Variants in ASIC5 observed in about 807,000 individuals in gnomAD.
ASIC5 encodes the protein acid sensing ion channel subunit family member 5.
A neutral mutation model predicts 51.2 loss-of-function variants in ASIC5; 52 were observed. The ratio of observed to expected loss-of-function variants is 1.02; its 90% CI spans 0.81 to 1.28. The LOEUF is 1.28. Among genes scored for constraint, ASIC5 ranks in the 50% most tolerant of loss-of-function variants. The pLI, the probability that ASIC5 is intolerant of heterozygous loss-of-function variation, is 0.00. For synonymous variants in ASIC5, 231 were observed against 200.7 expected (o/e 1.15, Z -1.28); for missense variants, 635 against 595.0 (o/e 1.07, Z -0.70).
At position 155,848,140 on chromosome 4, in the gene ASIC5, C is replaced by T. The variant is rs1011929170; in HGVS notation, c.711+4051G>A. 5.9e-5 allele frequency among the ~76,000 whole-genome samples: 9 copies of T among 152,004 alleles called. No individual in the cohort carries two copies. In the South Asian group the frequency reaches 1.7e-3, roughly 28 times the overall value. The stretch of plus-strand genomic sequence containing the variant: ...ATTTGGAAAATTAAGTCTCCTCTCT[C>T]AAAGAATGAAGTTTTTTTCTTTTTT... On this transcript the variant is annotated intron_variant, in intron 4 of 9. Coordinates refer to ENST00000537611, the MANE Select transcript of ASIC5 (RefSeq NM_017419.3).
chr4:155,831,643 T>C (rs1180111557), intron 9 of ASIC5, among the ~76,000 whole-genome samples, 181 bp downstream of exon 9: 1 of 151,982 alleles, frequency 6.6e-6, no homozygotes, highest in South Asian at 2.1e-4. Flanking sequence ...TGGTGGCGGG[T>C]GCCTGTAGTC....
In ASIC5 at chr4:155,831,882, A is replaced by G. The variant is rs200347161; in HGVS notation, c.1269T>C (p.Ser423=). 5.0e-6 allele frequency: 8 copies of G among 1,604,874 alleles called. No individual in the cohort carries two copies. The African/African-American group carries it at 9.4e-5, about 19-fold the overall frequency. Residue 423 remains serine (S), a synonymous_variant, in exon 9 of 10, where the codon AGT becomes AGC. Coordinates refer to ENST00000537611, the MANE Select transcript of ASIC5 (RefSeq NM_017419.3). The stretch of plus-strand genomic sequence containing the variant: ...GCTGGGTTATCTTATAGTTTAGGTC[A>G]CTATAGTTAATTTCAATTTTTACAA... ...ENLVKIEINY[S]DLNYKITQQQ...
At chr4:155,854,918 T>C (rs1421907311) in intron 2 of ASIC5, 1 of 152,186 alleles carries the variant, frequency 6.6e-6, no homozygotes, top group African/African-American at 2.4e-5. Context: ...ATTCACACCA[T>C]CAAGATTGGA....
intron 6 of ASIC5, among the ~76,000 whole-genome samples, chr4:155,839,348 TACACACACACACACACACACAC>T (rs60209135): frequency 6.8e-6 from 1 of 147,338 alleles, no homozygotes; most frequent in African/African-American, 2.5e-5. Flanking sequence ...TCTATCCATT[TACACACACACACACACACACAC>T]ACACACACAC....
intron 5 of ASIC5, among the ~76,000 whole-genome samples, chr4:155,843,059 G>A (rs1560744125): frequency 6.6e-6 from 1 of 152,102 alleles, no homozygotes; most frequent in Non-Finnish European, 1.5e-5. Flanking sequence ...AATCAGGTGG[G>A]AAAGGACAGC....
At chr4:155,834,900 C>T (rs745987103) in intron 8 of ASIC5, among the ~76,000 whole-genome samples, 2 of 152,012 alleles carry the variant, frequency 1.3e-5, no homozygotes, top group African/African-American at 2.4e-5. Flanking sequence ...AAGGGGAGCT[C>T]GGCCGGGGGT....
At chr4:155,850,358 T>C (rs772461124) in intron 4 of ASIC5, among the ~76,000 whole-genome samples, 1 of 151,988 alleles carries the variant, frequency 6.6e-6, no homozygotes. Context: ...ATAAAACCAA[T>C]GTATGTCTTA....
chr4:155,865,555 T>G (rs569740044), intron 1 of ASIC5, among the ~76,000 whole-genome samples: 1 of 152,250 alleles, frequency 6.6e-6, no homozygotes, highest in Admixed American at 6.5e-5. Flanking sequence ...GTTGCAAGCA[T>G]TACCCCAAAA....
intron 4 of ASIC5, among the ~76,000 whole-genome samples, chr4:155,848,325 T>A (rs929696661): frequency 1.3e-5 from 2 of 152,072 alleles, no homozygotes; most frequent in African/African-American, 4.8e-5. Flanking sequence ...ATTAATCCTT[T>A]AAGATATTAG....
chr4:155,829,752 T>C lies in ASIC5; in HGVS notation c.*104A>G, dbSNP rs1271424698. The C allele has an allele frequency of 7.3e-6, 5 of 680,372 alleles. No homozygotes were observed. Among genetic ancestry groups the C allele is most frequent in the Non-Finnish European group, 1.2e-5 (5 of 429,076 alleles). 42.1% of individuals were successfully genotyped at this position (680,372 alleles called of 1,614,324 possible). On this transcript the variant is annotated 3_prime_UTR_variant, in exon 10 of 10. Transcript: ENST00000537611. ...TGAAGAGATACATATCTTTAATGGCTTTTATCGAACTCTCAAAACTATAGA... is the reference window on the plus strand; with the variant it reads ...TGAAGAGATACATATCTTTAATGGCCTTTATCGAACTCTCAAAACTATAGA...
chr4:155,837,065 A>G (rs952909066), intron 7 of ASIC5, among the ~76,000 whole-genome samples: 1 of 152,220 alleles, frequency 6.6e-6, no homozygotes, highest in African/African-American at 2.4e-5. Context: ...CTTTGAATTC[A>G]TTGAGTCACT....
At chr4:155,862,752 C>T (rs944348655) in intron 2 of ASIC5, among the ~76,000 whole-genome samples, 2 of 152,104 alleles carry the variant, frequency 1.3e-5, no homozygotes, top group Non-Finnish European at 2.9e-5. Context: ...GTGGAGCTGG[C>T]CTTGCCTCTA....
intron 2 of ASIC5, among the ~76,000 whole-genome samples, chr4:155,855,097 AG>A (rs1235986569): frequency 6.6e-6 from 1 of 152,034 alleles, no homozygotes; most frequent in Non-Finnish European, 1.5e-5. Context: ...CTTAATCCCT[AG>A]AAAAAAAGCC....
At chr4:155,832,810 C>T (rs1740897876) in intron 8 of ASIC5, among the ~76,000 whole-genome samples, 1 of 152,084 alleles carries the variant, frequency 6.6e-6, no homozygotes, top group Admixed American at 6.6e-5. Flanking sequence ...AAGCTACCAC[C>T]TTTGCCCAAG....
At chr4:155,836,498 T>C (rs1282892152) in intron 8 of ASIC5, among the ~76,000 whole-genome samples, 191 bp downstream of exon 8, 1 of 152,154 alleles carries the variant, frequency 6.6e-6, no homozygotes, top group Non-Finnish European at 1.5e-5. Context: ...TTTCACACAA[T>C]TACAGTAAGG....
intron 9 of ASIC5, among the ~76,000 whole-genome samples, chr4:155,831,310 C>G (rs1386230751): frequency 6.6e-6 from 1 of 152,038 alleles, no homozygotes; most frequent in Non-Finnish European, 1.5e-5. Flanking sequence ...ACACCACCAG[C>G]CTTTTCTTTA....
At chr4:155,851,372 A>G (rs1741378865) in intron 4 of ASIC5, among the ~76,000 whole-genome samples, 1 of 152,064 alleles carries the variant, frequency 6.6e-6, no homozygotes, top group Non-Finnish European at 1.5e-5. Flanking sequence ...ATTCTTTAAA[A>G]GTAGCCAATG....
At chr4:155,857,228 A>ATC (rs1741565972) in intron 2 of ASIC5, among the ~76,000 whole-genome samples, 1 of 151,944 alleles carries the variant, frequency 6.6e-6, no homozygotes, top group South Asian at 2.1e-4. Context: ...GGCTCAAGCA[A>ATC]TCCTCCCACT....
At chr4:155,853,121 T>C (rs965237473) in intron 3 of ASIC5, among the ~76,000 whole-genome samples, 4 of 152,150 alleles carry the variant, frequency 2.6e-5, no homozygotes, top group Non-Finnish European at 5.9e-5. Context: ...CAGAAATGGG[T>C]TTCTGTAATA....
Sources: allele counts gnomAD v4.1 joint callset (sites outside exome capture counted in the v4.1 genomes callset), GRCh38; gene constraint gnomAD v4.1.1; transcripts MANE v1.5; gene names NCBI Gene and HGNC (gene_info 2026-07-23, HGNC 2026-07-21).